HCN1: variants seen among roughly 807,000 people sequenced by gnomAD.
The protein encoded by HCN1 is hyperpolarization activated cyclic nucleotide gated potassium channel 1.
HCN1 carries 13 observed loss-of-function variants against 78.9 expected under a neutral mutation model. That is an observed-to-expected ratio of 0.16 (90% confidence interval 0.11 to 0.26). The LOEUF is 0.26. HCN1 is among the 10% of genes least tolerant of loss of function. HCN1 has a pLI of 1.00. For missense variants in HCN1, 810 were observed against 1,154.3 expected, an observed-to-expected ratio of 0.70 and a Z score of 4.32; for synonymous variants, 552 against 455.5, an observed-to-expected ratio of 1.21 and a Z score of -2.70.
At position 45,563,311 on chromosome 5, in the gene HCN1, G is replaced by T. The variant is rs570289668; in HGVS notation, c.849+81874C>A. ...CTAAAATTACAAAAAAATCAGCCAG[G>T]TGTGGTGGCGGGTGCCTGTAATCCC... On this transcript the variant is annotated intron_variant, in intron 2 of 7. Transcript: ENST00000303230. Among the ~76,000 whole-genome samples the T allele has an allele frequency of 1.8e-3, 269 of 152,174 alleles. 1 individual carries two copies. Among genetic ancestry groups the T allele is most frequent in the African/African-American group, 6.2e-3 (258 of 41,522 alleles).
intron 1 of HCN1, among the ~76,000 whole-genome samples, chr5:45,681,397 C>G (rs1416079509): frequency 6.6e-6 from 1 of 152,028 alleles, no homozygotes; most frequent in Non-Finnish European, 1.5e-5. Context: ...TCTTTTCAGA[C>G]TCAAGTTCTT....
Position 45,257,964 on chromosome 5 carries a change from T to TTTTTTTTTTTTTTTTTTTTTTTTTG in HCN1, c.*3956_*3957insCAAAAAAAAAAAAAAAAAAAAAAAA, listed in dbSNP as rs1561077069. ...CCCATGGTACAGTATGAGTACTTTT[T>TTTTTTTTTTTTTTTTTTTTTTTTTG]AAAGTAGGTGAACATAAAATAAAAG... On this transcript the variant is annotated 3_prime_UTR_variant, in exon 8 of 8. Coordinates refer to ENST00000303230, the MANE Select transcript of HCN1 (RefSeq NM_021072.4). The TTTTTTTTTTTTTTTTTTTTTTTTTG allele has an allele frequency of 6.6e-6, 1 of 151,936 alleles. No individual in the cohort carries two copies. Among genetic ancestry groups the TTTTTTTTTTTTTTTTTTTTTTTTTG allele is most frequent in the African/African-American group, 2.4e-5 (1 of 41,224 alleles). The allele number at this position is 151,936 out of a possible 1,614,324, so 9.4% of individuals were successfully genotyped here. A position where few individuals can be genotyped will look rare whatever the true frequency, so the allele number is the denominator to read the frequency against.
chr5:45,487,487 C>T lies in HCN1; in HGVS notation c.850-25480G>A, dbSNP rs866004186. On this transcript the variant is annotated intron_variant, in intron 2 of 7. Transcript: ENST00000303230. ...TGTTGGTTAGAGCAATGCATGGTGG[C>T]CCAATCACTATTTTTAATATATCTA... Among the ~76,000 whole-genome samples, 13 of 152,028 alleles carry T rather than the reference C, an allele frequency of 8.6e-5. No individual in the cohort carries two copies. The Middle Eastern group carries it at 0.014, about 159-fold the overall frequency.
chr5:45,409,448 A>G (rs544010245), intron 3 of HCN1, among the ~76,000 whole-genome samples: 2 of 152,216 alleles, frequency 1.3e-5, no homozygotes, highest in South Asian at 4.1e-4. Context: ...CAGCTTACGT[A>G]GTAATTGGTT....
chr5:45,359,471 G>A (rs1355928707), intron 4 of HCN1, among the ~76,000 whole-genome samples: 1 of 150,744 alleles, frequency 6.6e-6, no homozygotes, highest in East Asian at 1.9e-4. Flanking sequence ...ATTTTATAGT[G>A]TAGTGCCCAC....
Position 45,522,937 on chromosome 5 carries a change from C to G in HCN1, c.850-60930G>C, listed in dbSNP as rs187714266. ...GTTAGTTACATATGTATACATGTGC[C>G]ATGCTAGTGTGCTGCACCCATCAAC... On this transcript the variant is annotated intron_variant, in intron 2 of 7. Coordinates refer to ENST00000303230, the MANE Select transcript of HCN1 (RefSeq NM_021072.4). Among the ~76,000 whole-genome samples the G allele has an allele frequency of 1.8e-3, 268 of 151,918 alleles. 1 individual carries two copies. The highest frequency in any genetic ancestry group is 6.2e-3 in the African/African-American group (257 of 41,406).
chr5:45,584,877 T>C (rs1466707839), intron 2 of HCN1, among the ~76,000 whole-genome samples: 3 of 152,250 alleles, frequency 2.0e-5, no homozygotes, highest in Admixed American at 1.3e-4. Context: ...TTCTGGCTTA[T>C]AGAGTTTCTG....
At chr5:45,689,386 G>T (rs1739865453) in intron 1 of HCN1, among the ~76,000 whole-genome samples, 1 of 152,082 alleles carries the variant, frequency 6.6e-6, no homozygotes, top group Non-Finnish European at 1.5e-5. Flanking sequence ...GTAAAACTGA[G>T]TAAGATTCAT....
intron 4 of HCN1, among the ~76,000 whole-genome samples, chr5:45,371,925 CATTAT>C (rs1747376341): frequency 1.0e-5 from 1 of 96,346 alleles, no homozygotes; most frequent in Non-Finnish European, 1.9e-5. Flanking sequence ...ATATAATATA[CATTAT>C]ATTATATATA....
Position 45,453,901 on chromosome 5 carries a change from ACTTT to A in HCN1, c.1011+7941_1011+7944del, listed in dbSNP as rs1213721472. 3.3e-5 allele frequency among the ~76,000 whole-genome samples: 5 copies of A among 152,076 alleles called. No individual in the cohort carries two copies. In the East Asian group the frequency reaches 9.6e-4, roughly 29 times the overall value. On this transcript the variant is annotated intron_variant, in intron 3 of 7. Transcript: ENST00000303230. ...TGGAGGAAATATTAGACAGCAAAAT[ACTTT>A]TTTTTCTTCAACTTTATCAGGTGCC...
chr5:45,531,931 G>A (rs1174642524), intron 2 of HCN1, among the ~76,000 whole-genome samples: 1 of 151,968 alleles, frequency 6.6e-6, no homozygotes. Flanking sequence ...TCCCAGCTAC[G>A]CAGGAGGCTG....
At chr5:45,322,559 C>T (rs530003520) in intron 5 of HCN1, among the ~76,000 whole-genome samples, 2 of 151,902 alleles carry the variant, frequency 1.3e-5, no homozygotes, top group East Asian at 3.9e-4. Context: ...TGGGATTCAA[C>T]TCTGAACATG....
At chr5:45,272,586 C>T (rs1042151863) in intron 6 of HCN1, among the ~76,000 whole-genome samples, 1 of 152,048 alleles carries the variant, frequency 6.6e-6, no homozygotes, top group Non-Finnish European at 1.5e-5. Flanking sequence ...AAAACCCACA[C>T]TAAGTTATCT....
intron 1 of HCN1, among the ~76,000 whole-genome samples, chr5:45,670,307 A>G (rs1474641610): frequency 6.6e-6 from 1 of 151,752 alleles, no homozygotes; most frequent in Non-Finnish European, 1.5e-5. Flanking sequence ...TCAATAATGA[A>G]AAAAGTTAAT....
intron 2 of HCN1, among the ~76,000 whole-genome samples, chr5:45,493,966 T>C (rs1384189388): frequency 6.6e-6 from 1 of 152,244 alleles, no homozygotes; most frequent in Non-Finnish European, 1.5e-5. Flanking sequence ...TTCCATGGTG[T>C]ATATGTTTCA....
intron 4 of HCN1, among the ~76,000 whole-genome samples, chr5:45,354,946 T>C (rs1486759634): frequency 6.6e-6 from 1 of 152,058 alleles, no homozygotes; most frequent in Non-Finnish European, 1.5e-5. Context: ...TGCAAAGACC[T>C]ACTAATCTAG....
chr5:45,362,406 T>A (rs775034227), intron 4 of HCN1, among the ~76,000 whole-genome samples: 2 of 152,080 alleles, frequency 1.3e-5, no homozygotes, highest in Non-Finnish European at 2.9e-5. Context: ...AATAGAAGCT[T>A]TTACTTAAGA....
At chr5:45,669,749 G>A (rs1467344197) in intron 1 of HCN1, among the ~76,000 whole-genome samples, 1 of 151,700 alleles carries the variant, frequency 6.6e-6, no homozygotes, top group Admixed American at 6.6e-5. Context: ...TGAAAGCAAT[G>A]GTAATGAGGT....
chr5:45,267,218 T>C lies in HCN1; in HGVS notation c.1654A>G (p.Ser552Gly), dbSNP rs767873173. The change falls in exon 7 of 8, where the codon AGT (serine) becomes GGT (glycine). Residue 552 changes from serine to glycine, a missense_variant. By Grantham distance (56) the Ser-to-Gly change is moderately conservative. Transcript: ENST00000303230. Reference sequence around the variant, plus strand: ...CGACAATATGTATCAGCTCGAACACTGGCAGTACGACGTCCTTTGGTCAGC... The same window carrying C: ...CGACAATATGTATCAGCTCGAACACCGGCAGTACGACGTCCTTTGGTCAGC... Reference protein sequence around the residue: ...CLLTKGRRTASVRADTYCRLY... With the variant: ...CLLTKGRRTAGVRADTYCRLY... 6.2e-7 allele frequency: 1 copy of C among 1,614,062 alleles called. No homozygotes were observed.
Sources: gnomAD v4.1 joint callset for allele counts (sites outside exome capture counted in the v4.1 genomes callset) on GRCh38, gnomAD v4.1.1 for gene constraint, MANE v1.5 for transcripts, NCBI Gene and HGNC (gene_info 2026-07-23, HGNC 2026-07-21) for gene names.